The following GSAP variants were observed in gnomAD, a reference collection of about 807,000 sequenced individuals.
The protein encoded by GSAP is gamma-secretase-activating protein.
A neutral mutation model predicts 131.7 loss-of-function variants in GSAP; 118 were observed. That is an observed-to-expected ratio of 0.90 (90% CI 0.77 to 1.04). The LOEUF (loss-of-function observed/expected upper bound fraction) is 1.04. GSAP is among the 50% of genes least tolerant of loss of function. The pLI is 0.00. For missense variants in GSAP, 1,019 were observed against 1,013.2 expected, an observed-to-expected ratio of 1.01 and a Z score of -0.08; for synonymous variants, 381 against 363.4, an observed-to-expected ratio of 1.05 and a Z score of -0.55.
At chr7:77,391,125 C>CA (rs3083869) in intron 5 of GSAP, among the ~76,000 whole-genome samples, 13,571 of 64,916 alleles carry the variant, frequency 0.21, 2,180 homozygotes, top group Non-Finnish European at 0.29. Flanking sequence ...GGCTCCGTCT[C>CA]AAAAAAAAAA....
rs117601279 is a variant in GSAP, at chr7:77,385,622, G to A, written c.456+1738C>T. 4.4e-4 allele frequency among the ~76,000 whole-genome samples: 67 copies of A among 152,212 alleles called. No individual in the cohort carries two copies. In the East Asian group the frequency reaches 4.4e-3, roughly 10 times the overall value. ...TCCCCACATTGATGACAGTGTAGAC[G>A]GAGTAGCTTCCTGAGGGTAGGAGAA... On this transcript the variant is annotated intron_variant, in intron 6 of 30. Coordinates refer to ENST00000257626, the MANE Select transcript of GSAP (RefSeq NM_017439.4).
intron 18 of GSAP, among the ~76,000 whole-genome samples, chr7:77,351,925 G>A (rs1367008316): frequency 6.6e-6 from 1 of 152,176 alleles, no homozygotes; most frequent in Admixed American, 6.5e-5. Context: ...TGACCACAGG[G>A]TCTGCATGTC....
intron 1 of GSAP, among the ~76,000 whole-genome samples, chr7:77,412,633 C>T (rs886206244): frequency 2.0e-5 from 3 of 151,706 alleles, no homozygotes; most frequent in Admixed American, 6.6e-5. Flanking sequence ...AACATAACCC[C>T]TAAAATAATC....
At chr7:77,318,453 A>C (rs772986122) in intron 26 of GSAP, among the ~76,000 whole-genome samples, 2 of 152,248 alleles carry the variant, frequency 1.3e-5, no homozygotes, top group Non-Finnish European at 2.9e-5. Flanking sequence ...ACAAATGATG[A>C]ATGGATGAAT....
At chr7:77,329,601 T>C (rs1265314826) in intron 20 of GSAP, 9 of 347,592 alleles carry the variant, frequency 2.6e-5, no homozygotes, top group Admixed American at 4.9e-5. Context: ...GTCAACTATA[T>C]ACTACACACA....
Position 77,329,408 on chromosome 7 carries a change from G to T in GSAP, c.1675-17C>A. 1.3e-6 allele frequency: 2 copies of T among 1,508,030 alleles called. No homozygotes were observed. The highest frequency in any genetic ancestry group is 1.8e-6 in the Non-Finnish European group (2 of 1,099,608). The allele number at this position is 1,508,030 out of a possible 1,614,324, so 93.4% of individuals were successfully genotyped here. On this transcript the variant is annotated splice_polypyrimidine_tract_variant and intron_variant, in intron 20 of 30. Coordinates refer to ENST00000257626, the MANE Select transcript of GSAP (RefSeq NM_017439.4). Reference sequence around the variant, plus strand: ...TCCTGTTTTCTAGGAGTGAGAACACGTCAGAAATGTGGAAGGTAAAGGTTT... The same window carrying T: ...TCCTGTTTTCTAGGAGTGAGAACACTTCAGAAATGTGGAAGGTAAAGGTTT...
intron 12 of GSAP, among the ~76,000 whole-genome samples, chr7:77,362,951 A>C (rs1055644566): frequency 6.6e-6 from 1 of 152,230 alleles, no homozygotes; most frequent in Non-Finnish European, 1.5e-5. Context: ...ACAGTTTCCA[A>C]AGCTTCATGA....
chr7:77,328,698 C>T (rs948532372), intron 21 of GSAP, 61 bp from the exon 22 acceptor site: 14 of 991,540 alleles, frequency 1.4e-5, no homozygotes, highest in Non-Finnish European at 2.1e-5. Context: ...TTTAAAGCCA[C>T]ATCATACAAA....
At chr7:77,358,736 T>A (rs1259592551) in intron 14 of GSAP, among the ~76,000 whole-genome samples, 3 of 152,232 alleles carry the variant, frequency 2.0e-5, no homozygotes, top group Admixed American at 6.5e-5. Flanking sequence ...TGCATACCGT[T>A]TGGGTGACTG....
chr7:77,324,368 T>G (rs1788046628), intron 23 of GSAP, among the ~76,000 whole-genome samples: 1 of 152,200 alleles, frequency 6.6e-6, no homozygotes, highest in Non-Finnish European at 1.5e-5. Context: ...ATTCCCAGCC[T>G]TCCCCACCTT....
intron 3 of GSAP, among the ~76,000 whole-genome samples, chr7:77,402,274 C>A (rs1372740284): frequency 4.0e-5 from 6 of 150,148 alleles, no homozygotes; most frequent in African/African-American, 1.5e-4. Flanking sequence ...TTAGGCCGGG[C>A]ACGGTGGCTC....
At chr7:77,334,855 C>T (rs1410362887) in intron 19 of GSAP, among the ~76,000 whole-genome samples, 3 of 150,194 alleles carry the variant, frequency 2.0e-5, no homozygotes, top group Non-Finnish European at 4.4e-5. Context: ...GAGACCGAGG[C>T]GGGTGGATCA....
At chr7:77,364,635 C>A (rs552476225) in intron 12 of GSAP, among the ~76,000 whole-genome samples, 2 of 152,100 alleles carry the variant, frequency 1.3e-5, no homozygotes, top group South Asian at 2.1e-4. Context: ...AACTAACCTG[C>A]ACATTGTGCA....
Position 77,311,920 on chromosome 7 carries a change from G to A in GSAP, c.2394C>T (p.Asn798=). ...GAAATTCTACACTGAACGATGACTT[G>A]TTAATCATAGAATTCCGAGGCTAAA... ...YKKQPRNSMI[N]KSSFSVEFLP... The change falls in exon 30 of 31, where the codon AAC becomes AAT. Residue 798 remains asparagine (N), a synonymous_variant. Coordinates refer to ENST00000257626, the MANE Select transcript of GSAP (RefSeq NM_017439.4). 1 of 1,594,788 alleles carries A rather than the reference G, an allele frequency of 6.3e-7. No individual in the cohort carries two copies. Among genetic ancestry groups the A allele is most frequent in the East Asian group, 2.2e-5 (1 of 44,740 alleles).
chr7:77,328,383 C>A (rs73141926), intron 22 of GSAP: 77 of 1,280,622 alleles, frequency 6.0e-5, no homozygotes, highest in Non-Finnish European at 7.5e-5. Flanking sequence ...CCCAGGGACT[C>A]CCATCGCAAA....
At chr7:77,410,740 T>C (rs1208358554) in intron 1 of GSAP, among the ~76,000 whole-genome samples, 1 of 152,214 alleles carries the variant, frequency 6.6e-6, no homozygotes, top group Non-Finnish European at 1.5e-5. Context: ...GTACATTTTA[T>C]CCCAAACTGC....
At chr7:77,405,785 C>T (rs1337178236) in intron 2 of GSAP, among the ~76,000 whole-genome samples, 6 of 152,140 alleles carry the variant, frequency 3.9e-5, no homozygotes, top group South Asian at 2.1e-4. Flanking sequence ...GTGATCTGCC[C>T]GTTGCAGCCT....
At chr7:77,383,756 G>A (rs1024311791) in intron 6 of GSAP, among the ~76,000 whole-genome samples, 2 of 152,170 alleles carry the variant, frequency 1.3e-5, no homozygotes, top group African/African-American at 2.4e-5. Context: ...TGAAAGACCC[G>A]TGAATTTTGT....
intron 22 of GSAP, chr7:77,326,728 C>T (rs541538357): frequency 6.5e-6 from 1 of 154,056 alleles, no homozygotes; most frequent in Non-Finnish European, 1.5e-5. Context: ...ATTACTGCAG[C>T]AAATAATACT....
Sources: allele counts gnomAD v4.1 joint callset (sites outside exome capture counted in the v4.1 genomes callset), GRCh38; gene constraint gnomAD v4.1.1; transcripts MANE v1.5; gene names NCBI Gene and HGNC (gene_info 2026-07-23, HGNC 2026-07-21).